BCL9L: variants seen among roughly 807,000 people sequenced by gnomAD.
BCL9L encodes B-cell CLL/lymphoma 9-like protein.
A neutral mutation model predicts 99.4 loss-of-function variants in BCL9L; 19 were observed. The ratio of observed to expected loss-of-function variants is 0.19; its 90% CI spans 0.13 to 0.28. BCL9L has a LOEUF of 0.28. BCL9L is among the 10% of genes least tolerant of loss of function. BCL9L has a pLI of 1.00. For synonymous variants in BCL9L, 900 were observed against 854.8 expected (o/e 1.05, Z -0.92); for missense variants, 2,023 against 2,101.6 (o/e 0.96, Z 0.73).
intron 5 of BCL9L, among the ~76,000 whole-genome samples, chr11:118,904,591 A>G (rs1371856879): frequency 1.3e-5 from 2 of 152,240 alleles, no homozygotes; most frequent in African/African-American, 2.4e-5. Flanking sequence ...TAGCGTAGAA[A>G]AAAATCTACA....
Position 118,922,035 on chromosome 11 carries a change from G to T in BCL9L, c.-130-3156C>A, listed in dbSNP as rs1385454446. ...CACAAGGATGCGGGACCCTCGGGGA[G>T]ACTGAGGCAGTGTAACACATGCCCA... On this transcript the variant is annotated intron_variant, in intron 1 of 9. Coordinates refer to ENST00000683865, the MANE Select transcript of BCL9L (RefSeq NM_001378213.1). This position sits in a 1 kb window ranked among gnomAD's most constrained non-coding sequence, Gnocchi z 6.2. 6.6e-6 allele frequency among the ~76,000 whole-genome samples: 1 copy of T among 152,130 alleles called. No individual in the cohort carries two copies. The highest frequency in any genetic ancestry group is 1.5e-5 in the Non-Finnish European group (1 of 68,008).
rs947499201 is a variant in BCL9L at position 118,914,730 on chromosome 11, G to A, written c.-77+4096C>T. 7.2e-5 allele frequency among the ~76,000 whole-genome samples: 11 copies of A among 152,318 alleles called. No individual in the cohort carries two copies. Among genetic ancestry groups the A allele is most frequent in the African/African-American group, 2.2e-4 (9 of 41,570 alleles). ...GACAGGCAGGGTCCCCTGTCCCCAG[G>A]CCTCCTCTCCCACACCCATTCAGTA... On this transcript the variant is annotated intron_variant, in intron 2 of 9. Coordinates refer to ENST00000683865, the MANE Select transcript of BCL9L (RefSeq NM_001378213.1). This position sits in a 1 kb window ranked among gnomAD's most constrained non-coding sequence, Gnocchi z 4.4.
chr11:118,915,525 G>A (rs1706298880), intron 2 of BCL9L, among the ~76,000 whole-genome samples: 1 of 152,168 alleles, frequency 6.6e-6, no homozygotes, highest in African/African-American at 2.4e-5. Context: ...TCCCTCCGCT[G>A]GCACACTCCT....
chr11:118,900,208 C>A lies in BCL9L; in HGVS notation c.3125-10G>T. ...CTAGGCGGGAGGGTACCTACAGAAA[C>A]GGGGAGACAAAGAGAGCAGGGGTGA... On this transcript the variant is annotated splice_polypyrimidine_tract_variant and intron_variant, in intron 8 of 9. Transcript: ENST00000683865. The surrounding 1 kb of genome is among the most constrained non-coding windows in gnomAD (Gnocchi z 5.3). The A allele has an allele frequency of 6.3e-7, 1 of 1,580,568 alleles. No homozygotes were observed. Among genetic ancestry groups the A allele is most frequent in the South Asian group, 1.2e-5 (1 of 86,384 alleles).
chr11:118,924,999 C>T (rs1243065548), intron 1 of BCL9L, among the ~76,000 whole-genome samples: 1 of 152,228 alleles, frequency 6.6e-6, no homozygotes, highest in Non-Finnish European at 1.5e-5. Context: ...GGCAGGGTCC[C>T]CTGGCTGTCC....
chr11:118,900,072 A>G lies in BCL9L; in HGVS notation c.3251T>C (p.Leu1084Pro). The change falls in exon 9 of 10, where the codon CTG (leucine) becomes CCG (proline). Residue 1084 changes from leucine to proline, a missense_variant. By Grantham distance (98) the Leu-to-Pro change is moderately conservative. Around this residue, in one of 3 missense-constraint regions of BCL9L, gnomAD observed 902 missense variants for 888.2 expected, o/e 1.02. Transcript: ENST00000683865. The surrounding 1 kb of genome is among the most constrained non-coding windows in gnomAD (Gnocchi z 5.3). Reference sequence around the variant, plus strand: ...GGACATCTGGGTCATCATCAGTGACAGGGGGTTCTGGGAAGGTGTGGGGTC... The same window carrying G: ...GGACATCTGGGTCATCATCAGTGACGGGGGGTTCTGGGAAGGTGTGGGGTC... ...SPDPTPSQNP[L>P]SLMMTQMSKY... is the part of the protein sequence containing the mutation. The G allele has an allele frequency of 6.2e-7, 1 of 1,613,838 alleles. No individual in the cohort carries two copies. The highest frequency in any genetic ancestry group is 8.5e-7 in the Non-Finnish European group (1 of 1,179,892).
At chr11:118,911,910 G>A (rs2134426743) in intron 2 of BCL9L, among the ~76,000 whole-genome samples, 1 of 152,368 alleles carries the variant, frequency 6.6e-6, no homozygotes, top group Middle Eastern at 3.4e-3. Flanking sequence ...CAAAAATTGA[G>A]AACCTGTAAG....
rs756675498 is a variant in BCL9L at position 118,902,817 on chromosome 11, G to T, written c.926C>A (p.Pro309Gln). The T allele has an allele frequency of 1.3e-6, 2 of 1,550,442 alleles. No homozygotes were observed. The highest frequency in any genetic ancestry group is 3.7e-5 in the Admixed American group (2 of 54,742). ...GGCACTGCCAGGGGCCGGGGGTGGC[G>T]GCGGCGGCAGTGGAGGTGGCTGGGA... is the stretch of plus-strand genomic sequence containing the variant. ...PQSQPPPLPP[P>Q]PPPAPGSAPP... is the part of the protein sequence containing the mutation. Residue 309 changes from proline (P) to glutamine (Q), a missense_variant, in exon 8 of 10, where the codon CCG becomes CAG. Pro to Gln is a moderately conservative substitution (Grantham distance 76). Coordinates refer to ENST00000683865, the MANE Select transcript of BCL9L (RefSeq NM_001378213.1). This position sits in a 1 kb window ranked among gnomAD's most constrained non-coding sequence, Gnocchi z 7.8.
At chr11:118,918,469 C>T (rs920481737) in intron 2 of BCL9L, among the ~76,000 whole-genome samples, 5 of 148,380 alleles carry the variant, frequency 3.4e-5, no homozygotes, top group Admixed American at 6.7e-5. Context: ...CCCTCCAGGG[C>T]GATTGGGCGG....
In BCL9L at chr11:118,898,304, A is replaced by AACCCCCCCCCCCCCCCCCCCCCCCCCCCC; in HGVS notation, c.*110_*111insGGGGGGGGGGGGGGGGGGGGGGGGGGGGT. On this transcript the variant is annotated 3_prime_UTR_variant, in exon 10 of 10. Transcript: ENST00000683865. ...CCACTCCCTACACAAGCCCCCTCCC[A>AACCCCCCCCCCCCCCCCCCCCCCCCCCCC]CCCCCTCCACCCCACCCCGCGACCC... 5.2e-6 allele frequency: 1 copy of AACCCCCCCCCCCCCCCCCCCCCCCCCCCC among 193,448 alleles called. No homozygotes were observed. The highest frequency in any genetic ancestry group is 9.2e-6 in the Non-Finnish European group (1 of 108,398). The allele number at this position is 193,448 out of a possible 1,614,324, so 12.0% of individuals were successfully genotyped here. A position where few individuals can be genotyped will look rare whatever the true frequency, so the allele number is the denominator to read the frequency against.
At chr11:118,920,395 C>T (rs1040215612) in intron 1 of BCL9L, among the ~76,000 whole-genome samples, 2 of 152,182 alleles carry the variant, frequency 1.3e-5, no homozygotes, top group African/African-American at 4.8e-5. Context: ...ATCAAGGCTA[C>T]AAGGGCAGCT....
chr11:118,904,095 A>C (rs576963779), intron 5 of BCL9L, among the ~76,000 whole-genome samples: 1 of 152,344 alleles, frequency 6.6e-6, no homozygotes, highest in South Asian at 2.1e-4. Flanking sequence ...CCAAAGAAAT[A>C]TATTTTTTAA....
chr11:118,903,002 G>A lies in BCL9L; in HGVS notation c.822C>T (p.Ala274=), dbSNP rs923079019. 1.3e-6 allele frequency: 2 copies of A among 1,596,166 alleles called. No individual in the cohort carries two copies. The highest frequency in any genetic ancestry group is 1.7e-6 in the Non-Finnish European group (2 of 1,175,170). Residue 274 remains alanine, a synonymous_variant, in exon 7 of 10, where the codon GCC becomes GCT. Transcript: ENST00000683865. The surrounding 1 kb of genome is among the most constrained non-coding windows in gnomAD (Gnocchi z 5.6). Reference sequence around the variant, plus strand: ...GCGCCACGCTCACCTGGTCAAGCTTGGCCCGGGGCACGTTCTGCTGGTGGT... The same window carrying A: ...GCGCCACGCTCACCTGGTCAAGCTTAGCCCGGGGCACGTTCTGCTGGTGGT... The part of the protein sequence containing the change: ...LAYHQQNVPR[A]KLDQAPKVPP...
chr11:118,924,429 A>G (rs1174997437), intron 1 of BCL9L, among the ~76,000 whole-genome samples: 1 of 151,970 alleles, frequency 6.6e-6, no homozygotes, highest in Non-Finnish European at 1.5e-5. Flanking sequence ...ACAGACAGAC[A>G]GTAGCTGATC....
Position 118,900,527 on chromosome 11 carries a change from G to A in BCL9L, c.3124+92C>T. ...TCCACCTCTGGGCCCGTGGTACACA[G>A]GCCCTTACTCACTCACTGCCCAGCC... On this transcript the variant is annotated intron_variant, in intron 8 of 9. Coordinates refer to ENST00000683865, the MANE Select transcript of BCL9L (RefSeq NM_001378213.1). This position sits in a 1 kb window ranked among gnomAD's most constrained non-coding sequence, Gnocchi z 5.3. The A allele has an allele frequency of 1.3e-6, 2 of 1,507,052 alleles. No individual in the cohort carries two copies. The highest frequency in any genetic ancestry group is 1.8e-6 in the Non-Finnish European group (2 of 1,133,934). The allele number at this position is 1,507,052 out of a possible 1,614,324, so 93.4% of individuals were successfully genotyped here. A position where few individuals can be genotyped will look rare whatever the true frequency, so the allele number is the denominator to read the frequency against.
In BCL9L at chr11:118,914,524, C is replaced by T. The variant is rs1217290547; in HGVS notation, c.-77+4302G>A. Among the ~76,000 whole-genome samples the T allele has an allele frequency of 1.1e-4, 16 of 152,220 alleles. No individual in the cohort carries two copies. The highest frequency in any genetic ancestry group is 4.4e-5 in the Non-Finnish European group (3 of 68,032). ...GCCCCACGAGCTCTGCCCACATTGA[C>T]ATCCAGACTGTCATGACCCTCCAGG... On this transcript the variant is annotated intron_variant, in intron 2 of 9. Coordinates refer to ENST00000683865, the MANE Select transcript of BCL9L (RefSeq NM_001378213.1). This position sits in a 1 kb window ranked among gnomAD's most constrained non-coding sequence, Gnocchi z 4.4.
intron 2 of BCL9L, chr11:118,911,308 T>TG (rs1440803179): frequency 8.8e-6 from 4 of 454,450 alleles, no homozygotes; most frequent in Admixed American, 2.4e-5. Context: ...ACACTCCTGA[T>TG]GCTCCCTGCG....
At position 118,914,499 on chromosome 11, in the gene BCL9L, G is replaced by A. The variant is rs1565628208; in HGVS notation, c.-77+4327C>T. On this transcript the variant is annotated intron_variant, in intron 2 of 9. Coordinates refer to ENST00000683865, the MANE Select transcript of BCL9L (RefSeq NM_001378213.1). The surrounding 1 kb of genome is among the most constrained non-coding windows in gnomAD (Gnocchi z 4.4). Reference sequence around the variant, plus strand: ...CTCTTGGCAGCAGCAGCACCTGGGGGCCCCACGAGCTCTGCCCACATTGAC... The same window carrying A: ...CTCTTGGCAGCAGCAGCACCTGGGGACCCCACGAGCTCTGCCCACATTGAC... Among the ~76,000 whole-genome samples, 1 of 152,212 alleles carries A rather than the reference G, an allele frequency of 6.6e-6. No individual in the cohort carries two copies. Among genetic ancestry groups the A allele is most frequent in the African/African-American group, 2.4e-5 (1 of 41,454 alleles).
In BCL9L at chr11:118,900,747, G is replaced by A; in HGVS notation, c.2996C>T (p.Ser999Phe). The change falls in exon 8 of 10, where the codon TCC (serine) becomes TTC (phenylalanine). Residue 999 changes from serine (S) to phenylalanine (F), a missense_variant. Ser to Phe is a radical substitution (Grantham distance 155). Coordinates refer to ENST00000683865, the MANE Select transcript of BCL9L (RefSeq NM_001378213.1). The surrounding 1 kb of genome is among the most constrained non-coding windows in gnomAD (Gnocchi z 5.3). ...CCAGCCTGGAGAAGGCACCGCCATGGAAGGAGACTTGAGCCTGCTGGGCGA... is the reference window on the plus strand; with the variant it reads ...CCAGCCTGGAGAAGGCACCGCCATGAAAGGAGACTTGAGCCTGCTGGGCGA... The part of the protein sequence containing the change: ...TGSPSRLKSP[S>F]MAVPSPGWVA... 1 of 1,613,866 alleles carries A rather than the reference G, an allele frequency of 6.2e-7. No homozygotes were observed. The highest frequency in any genetic ancestry group is 8.5e-7 in the Non-Finnish European group (1 of 1,179,996).
Sources: allele counts gnomAD v4.1 joint callset (sites outside exome capture counted in the v4.1 genomes callset), GRCh38; gene constraint gnomAD v4.1.1; regional missense constraint gnomAD v4.1.1; non-coding constraint Gnocchi (gnomAD v3.1); transcripts MANE v1.5; gene names NCBI Gene and HGNC (gene_info 2026-07-23, HGNC 2026-07-21).